PRAMEF15: variants seen among roughly 807,000 people sequenced by gnomAD.
PRAMEF15 encodes the protein PRAME family member 9/15.
In PRAMEF15, 21 loss-of-function variants were observed where a neutral mutation model predicts 35.3. That is an observed-to-expected ratio of 0.59 (90% CI 0.42 to 0.86). The LOEUF (loss-of-function observed/expected upper bound fraction) is 0.86, where lower values mean the gene tolerates loss of function less well. PRAMEF15 is among the 40% of genes least tolerant of loss of function. PRAMEF15 has a pLI of 0.00. For synonymous variants in PRAMEF15, 122 were observed against 223.3 expected, an observed-to-expected ratio of 0.55 and a Z score of 4.05; for missense variants, 360 against 574.1, an observed-to-expected ratio of 0.63 and a Z score of 3.81.
intron 1 of PRAMEF15, among the ~76,000 whole-genome samples, chr1:13,316,205 C>T (rs1469008670): frequency 0.03 from 4,222 of 142,744 alleles, 34 homozygotes; most frequent in East Asian, 0.057. Flanking sequence ...GGTTTCACCA[C>T]GCTGGCCAGG....
intron 3 of PRAMEF15, among the ~76,000 whole-genome samples, chr1:13,320,262 AGAT>A (rs1314525714): frequency 6.6e-6 from 1 of 152,062 alleles, no homozygotes; most frequent in Admixed American, 6.6e-5. Context: ...GTCTAAGTTA[AGAT>A]GATGAAAAAT....
intron 3 of PRAMEF15, among the ~76,000 whole-genome samples, chr1:13,320,983 T>G (rs1433529095): frequency 3.3e-5 from 5 of 151,992 alleles, no homozygotes; most frequent in African/African-American, 1.2e-4. Flanking sequence ...GATAGATGGT[T>G]TGCTGATGAT....
intron 3 of PRAMEF15, 41 bp from the exon 4 acceptor site, chr1:13,321,662 C>G (rs1227589084): frequency 2.5e-6 from 4 of 1,605,730 alleles, no homozygotes; most frequent in Non-Finnish European, 3.4e-6. Flanking sequence ...CCACTCACCC[C>G]TATGATTCCC....
At chr1:13,315,998 C>A (rs1278119480) in intron 1 of PRAMEF15, among the ~76,000 whole-genome samples, 1 of 150,772 alleles carries the variant, frequency 6.6e-6, no homozygotes. Flanking sequence ...CTCCTCTGCA[C>A]AACGTTTTTT....
intron 3 of PRAMEF15, 58 bp from the exon 4 acceptor site, chr1:13,321,645 C>G: frequency 6.3e-7 from 1 of 1,581,220 alleles, no homozygotes; most frequent in Non-Finnish European, 8.6e-7. Context: ...CCATTCCCCA[C>G]CACCCTCCAC....
chr1:13,318,007 A>G (rs1188555413), intron 1 of PRAMEF15, among the ~76,000 whole-genome samples: 7 of 152,074 alleles, frequency 4.6e-5, no homozygotes, highest in Non-Finnish European at 8.8e-5. Flanking sequence ...CAACAAGCTT[A>G]TTTGTAGGAA....
chr1:13,315,936 G>A (rs1385829360), intron 1 of PRAMEF15, among the ~76,000 whole-genome samples: 1 of 151,562 alleles, frequency 6.6e-6, no homozygotes. Flanking sequence ...AAAGTGGGAG[G>A]ATCATTTCAG....
At position 13,322,521 on chromosome 1, in the gene PRAMEF15, T is replaced by C. The variant is rs1187374742; in HGVS notation, c.*257T>C. ...TGAATGTCTAGAGTGGAATTCAGGCTTGAGAATACATGAGGGAGTTACTCT... is the reference window on the plus strand; with the variant it reads ...TGAATGTCTAGAGTGGAATTCAGGCCTGAGAATACATGAGGGAGTTACTCT... On this transcript the variant is annotated 3_prime_UTR_variant, in exon 4 of 4. Transcript: ENST00000376152. The C allele has an allele frequency of 1.2e-5, 7 of 579,058 alleles. No individual in the cohort carries two copies. The highest frequency in any genetic ancestry group is 2.1e-5 in the Non-Finnish European group (7 of 329,724). The allele number at this position is 579,058 out of a possible 1,614,324, so 35.9% of individuals were successfully genotyped here.
At chr1:13,320,074 T>A in intron 3 of PRAMEF15, 121 bp downstream of exon 3, 1 of 1,581,572 alleles carries the variant, frequency 6.3e-7, no homozygotes, top group Non-Finnish European at 8.6e-7. Context: ...CACTAGAATG[T>A]CCATGCATTG....
chr1:13,321,103 G>A (rs1640078221), intron 3 of PRAMEF15, among the ~76,000 whole-genome samples: 2 of 151,898 alleles, frequency 1.3e-5, no homozygotes, highest in African/African-American at 4.8e-5. Context: ...GCGGCCCAGG[G>A]ATGTGGTTTT....
rs1318302474 is a variant in PRAMEF15 at position 13,322,071 on chromosome 1, A to C, written c.1244A>C (p.Tyr415Ser). ...CTCAAAAACTTATGTGTGGAGCTGT[A>C]TCCTGCCCCCCGAGAGAGTTATGGT... ...IILKNLCVEL[Y>S]PAPRESYGAD... The change falls in exon 4 of 4, where the codon TAT (tyrosine) becomes TCT (serine). Residue 415 changes from tyrosine (Y) to serine (S), a missense_variant. Tyr to Ser is a moderately radical substitution (Grantham distance 144). Around this residue, in one of 8 missense-constraint regions of PRAMEF15, gnomAD observed 147 missense variants for 123.5 expected, o/e 1.19. Transcript: ENST00000376152. The C allele has an allele frequency of 1.2e-6, 2 of 1,609,800 alleles. No homozygotes were observed. The highest frequency in any genetic ancestry group is 1.3e-5 in the African/African-American group (1 of 74,656).
At chr1:13,318,865 G>T (rs1303066431) in intron 2 of PRAMEF15, among the ~76,000 whole-genome samples, 165 bp downstream of exon 2, 3 of 151,684 alleles carry the variant, frequency 2.0e-5, no homozygotes, top group Non-Finnish European at 4.4e-5. Context: ...CACCACGCAA[G>T]GTCCATGGAG....
At chr1:13,315,824 G>A (rs1252255227) in intron 1 of PRAMEF15, among the ~76,000 whole-genome samples, 166 bp downstream of exon 1, 64 of 149,384 alleles carry the variant, frequency 4.3e-4, no homozygotes, top group Admixed American at 1.1e-3. Context: ...ATGCAGTTCT[G>A]TCTTTATTTC....
At chr1:13,320,296 T>C (rs1171912002) in intron 3 of PRAMEF15, among the ~76,000 whole-genome samples, 1 of 152,082 alleles carries the variant, frequency 6.6e-6, no homozygotes, top group East Asian at 1.9e-4. Flanking sequence ...CGGTGGCTCA[T>C]GCCTGTAATC....
chr1:13,320,725 A>C (rs1219055899), intron 3 of PRAMEF15, among the ~76,000 whole-genome samples: 2 of 152,128 alleles, frequency 1.3e-5, no homozygotes, highest in African/African-American at 4.8e-5. Flanking sequence ...CGCCCAGCCA[A>C]CAAGATAATT....
intron 1 of PRAMEF15, among the ~76,000 whole-genome samples, chr1:13,316,669 A>G (rs79767376): frequency 2.6e-5 from 4 of 151,854 alleles, no homozygotes; most frequent in African/African-American, 9.7e-5. Flanking sequence ...GCACCAAAAA[A>G]AATTATATGA....
At chr1:13,316,626 G>C (rs1640008851) in intron 1 of PRAMEF15, among the ~76,000 whole-genome samples, 2 of 151,866 alleles carry the variant, frequency 1.3e-5, no homozygotes, top group East Asian at 1.9e-4. Context: ...CTGCATTCCA[G>C]CTTGGGCGAC....
chr1:13,319,188 G>A (rs1469463974), intron 2 of PRAMEF15, among the ~76,000 whole-genome samples, 184 bp from the exon 3 acceptor site: 1 of 147,694 alleles, frequency 6.8e-6, no homozygotes, highest in African/African-American at 2.5e-5. Flanking sequence ...AGGGAGACTT[G>A]GTCTCAAAAA....
In PRAMEF15 at chr1:13,319,428, T is replaced by G; in HGVS notation, c.350T>G (p.Val117Gly). Residue 117 changes from valine (V) to glycine (G), a missense_variant, in exon 3 of 4, where the codon GTT becomes GGT. Physicochemically the swap from Val to Gly is moderately radical, Grantham distance 109. Around this residue, in one of 8 missense-constraint regions of PRAMEF15, gnomAD observed 18 missense variants for 42.9 expected, o/e 0.42. Coordinates refer to ENST00000376152, the MANE Select transcript of PRAMEF15 (RefSeq NM_001098376.3). ...LQDVCENFWM[V>G]WSEAMAHGCF... ...GATGTCTGTGAGAACTTCTGGATGG[T>G]TTGGTCTGAAGCTATGGCCCATGGG... 1 of 1,612,786 alleles carries G rather than the reference T, an allele frequency of 6.2e-7. No individual in the cohort carries two copies. The highest frequency in any genetic ancestry group is 8.5e-7 in the Non-Finnish European group (1 of 1,179,842).
Sources: allele counts gnomAD v4.1 joint callset (sites outside exome capture counted in the v4.1 genomes callset), GRCh38; gene constraint gnomAD v4.1.1; regional missense constraint gnomAD v4.1.1; transcripts MANE v1.5; gene names NCBI Gene and HGNC (gene_info 2026-07-23, HGNC 2026-07-21).